MXD4: variants seen among roughly 807,000 people sequenced by gnomAD.
MXD4 encodes the protein MAX dimerization protein 4.
A neutral mutation model predicts 24.5 loss-of-function variants in MXD4; 16 were observed. The ratio of observed to expected loss-of-function variants is 0.65; its 90% confidence interval spans 0.44 to 0.99. The LOEUF is 0.99. MXD4 is among the 50% of genes least tolerant of loss of function. The probability of loss-of-function intolerance (pLI) is 0.00; values close to 1 mark genes in which losing one functional copy is unlikely to be tolerated. For missense variants in MXD4, 301 were observed against 301.5 expected, an observed-to-expected ratio of 1.00 and a Z score of 0.01; for synonymous variants, 164 against 134.2, an observed-to-expected ratio of 1.22 and a Z score of -1.54.
chr4:2,255,155 G>C, intron 3 of MXD4: 1 of 387,826 alleles, frequency 2.6e-6, no homozygotes, highest in Non-Finnish European at 5.2e-6. Flanking sequence ...CAGGACTTAC[G>C]TACGTGGTGT....
In MXD4 at chr4:2,249,501, A is replaced by G. The variant is rs1290642158; in HGVS notation, c.*1043T>C. On this transcript the variant is annotated 3_prime_UTR_variant, in exon 6 of 6. Coordinates refer to ENST00000337190, the MANE Select transcript of MXD4 (RefSeq NM_006454.3). ...CTCTGCCAGCTGAAGCTGCCGCAGC[A>G]GAGCTCATGAGAAGCCCTTTCCTAA... The G allele has an allele frequency of 1.3e-5, 2 of 151,490 alleles. No individual in the cohort carries two copies. The highest frequency in any genetic ancestry group is 2.9e-5 in the Non-Finnish European group (2 of 67,866). 9.4% of individuals were successfully genotyped at this position (151,490 alleles called of 1,614,324 possible).
At chr4:2,259,484 G>A (rs976305422) in intron 2 of MXD4, among the ~76,000 whole-genome samples, 1 of 152,250 alleles carries the variant, frequency 6.6e-6, no homozygotes, top group Non-Finnish European at 1.5e-5. Context: ...CAGGCCGCAG[G>A]AATGAGCCGT....
rs1470526209 is a variant in MXD4 at position 2,251,127 on chromosome 4, T to C, written c.429A>G (p.Thr143=). 2 of 1,594,766 alleles carry C rather than the reference T, an allele frequency of 1.3e-6. No homozygotes were observed. The highest frequency in any genetic ancestry group is 1.7e-6 in the Non-Finnish European group (2 of 1,168,728). ...LSVQSVERVR[T]DSTGSAVSTD... Reference sequence around the variant, plus strand: ...TGGAGACAGCAGAGCCCGTGCTATCTGTGCGCACGCGCTCCACGCTCTGCA... The same window carrying C: ...TGGAGACAGCAGAGCCCGTGCTATCCGTGCGCACGCGCTCCACGCTCTGCA... Residue 143 remains threonine, a synonymous_variant, in exon 5 of 6, where the codon ACA becomes ACG. Coordinates refer to ENST00000337190, the MANE Select transcript of MXD4 (RefSeq NM_006454.3).
intron 3 of MXD4, 90 bp downstream of exon 3, chr4:2,257,892 G>C: frequency 1.3e-6 from 2 of 1,544,172 alleles, no homozygotes; most frequent in Non-Finnish European, 1.8e-6. Context: ...GGCCGTGCCC[G>C]GGACAGGGGC....
chr4:2,257,099 G>A (rs1036238790), intron 3 of MXD4, among the ~76,000 whole-genome samples: 2 of 152,208 alleles, frequency 1.3e-5, no homozygotes, highest in East Asian at 1.9e-4. Flanking sequence ...CCAGCTGCCC[G>A]CCCCAGCCAG....
intron 2 of MXD4, 143 bp downstream of exon 2, chr4:2,261,582 G>A (rs955554797): frequency 8.0e-5 from 17 of 212,096 alleles, no homozygotes; most frequent in Non-Finnish European, 1.1e-4. Context: ...CGGCCTGCGC[G>A]CCTCCTCCTC....
intron 2 of MXD4, chr4:2,260,672 G>C (rs1735521533): frequency 2.3e-6 from 1 of 431,392 alleles, no homozygotes; most frequent in Admixed American, 2.6e-5. Context: ...AGCCAGGGCA[G>C]CTGGAGACTC....
In MXD4 at chr4:2,261,788, T is replaced by A. The variant is rs1735553316; in HGVS notation, c.101A>T (p.Asp34Val). The change falls in exon 2 of 6, where the codon GAC (aspartate) becomes GTC (valine). Residue 34 changes from aspartate (D) to valine (V), a missense_variant. Transcript: ENST00000337190. Reference sequence around the variant, plus strand: ...TGTTTTCTCCCTGGCGAAGTCGCCGTCGAAGGGCAGCACCGAGGCGTAGCC... The same window carrying A: ...TGTTTTCTCCCTGGCGAAGTCGCCGACGAAGGGCAGCACCGAGGCGTAGCC... Reference protein sequence around the residue: ...EHGYASVLPFDGDFAREKTKA... With the variant: ...EHGYASVLPFVGDFAREKTKA... 7.0e-7 allele frequency: 1 copy of A among 1,429,388 alleles called. No individual in the cohort carries two copies. The highest frequency in any genetic ancestry group is 1.3e-5 in the South Asian group (1 of 75,084). The allele number at this position is 1,429,388 out of a possible 1,614,324, so 88.5% of individuals were successfully genotyped here.
Position 2,249,331 on chromosome 4 carries a change from A to G in MXD4, c.*1213T>C, listed in dbSNP as rs1735263134. On this transcript the variant is annotated 3_prime_UTR_variant, in exon 6 of 6. Coordinates refer to ENST00000337190, the MANE Select transcript of MXD4 (RefSeq NM_006454.3). ...CTGGGTGGCTCCCACCCCTCAGCAA[A>G]CAAGGACGCAACAACAGCTAGGAAA... 6.5e-6 allele frequency: 1 copy of G among 152,680 alleles called. No homozygotes were observed. The highest frequency in any genetic ancestry group is 2.4e-5 in the African/African-American group (1 of 41,460). The allele number at this position is 152,680 out of a possible 1,614,324, so 9.5% of individuals were successfully genotyped here.
At chr4:2,260,245 C>G (rs1162404616) in intron 2 of MXD4, among the ~76,000 whole-genome samples, 2 of 152,228 alleles carry the variant, frequency 1.3e-5, no homozygotes, top group Admixed American at 6.5e-5. Flanking sequence ...AGAATGTGGA[C>G]AGCTGGGACC....
At chr4:2,250,997 G>A in intron 5 of MXD4, 87 bp downstream of exon 5, 1 of 1,423,904 alleles carries the variant, frequency 7.0e-7, no homozygotes. Context: ...CCCAGCCCCA[G>A]CACCAGGCAC....
chr4:2,252,545 C>A, intron 3 of MXD4, 23 bp from the exon 4 acceptor site: 1 of 1,576,248 alleles, frequency 6.3e-7, no homozygotes, highest in Non-Finnish European at 8.7e-7. Flanking sequence ...GAGACAGAAC[C>A]ATCAGGCTGG....
intron 2 of MXD4, 136 bp downstream of exon 2, chr4:2,261,589 C>T (rs1735546847): frequency 7.7e-6 from 2 of 258,854 alleles, no homozygotes; most frequent in Non-Finnish European, 1.2e-5. Context: ...CGCGCCTCCT[C>T]CTCCAGGCTG....
In MXD4 at chr4:2,252,410, T is replaced by C; in HGVS notation, c.307A>G (p.Lys103Glu). The change falls in exon 4 of 6, where the codon AAG (lysine) becomes GAG (glutamate). Residue 103 changes from lysine (K) to glutamate (E), a missense_variant and splice_region_variant. Lys to Glu is a moderately conservative substitution (Grantham distance 56). Coordinates refer to ENST00000337190, the MANE Select transcript of MXD4 (RefSeq NM_006454.3). ...SLLKRAKVHI[K>E]KLEEQDRRAL... ...GGTGGAGAGCAAGGCCCACTCACCTTGATGTGCACCTTGGCCCGCTTCAGG... is the reference window on the plus strand; with the variant it reads ...GGTGGAGAGCAAGGCCCACTCACCTCGATGTGCACCTTGGCCCGCTTCAGG... 6.2e-7 allele frequency: 1 copy of C among 1,611,592 alleles called. No homozygotes were observed. The highest frequency in any genetic ancestry group is 2.2e-5 in the East Asian group (1 of 44,864).
At chr4:2,255,811 C>A (rs1311858419) in intron 3 of MXD4, among the ~76,000 whole-genome samples, 1 of 152,232 alleles carries the variant, frequency 6.6e-6, no homozygotes, top group Non-Finnish European at 1.5e-5. Flanking sequence ...CCCCAAAAAC[C>A]CCCATGCCCA....
At chr4:2,257,787 T>C (rs1735460418) in intron 3 of MXD4, among the ~76,000 whole-genome samples, 195 bp downstream of exon 3, 1 of 152,208 alleles carries the variant, frequency 6.6e-6, no homozygotes, top group Non-Finnish European at 1.5e-5. Context: ...TCCTGCCATC[T>C]CCTGCCTCTA....
chr4:2,254,479 G>A (rs1365786050), intron 3 of MXD4: 1 of 151,942 alleles, frequency 6.6e-6, no homozygotes, highest in Non-Finnish European at 1.5e-5. Context: ...TATTTTCCAG[G>A]TTTTCTACGC....
At chr4:2,250,980 G>A (rs1009889555) in intron 5 of MXD4, 104 bp downstream of exon 5, 3 of 1,363,934 alleles carry the variant, frequency 2.2e-6, no homozygotes, top group African/African-American at 2.9e-5. Context: ...GAGCTGGGAG[G>A]GTTCTCCCCA....
chr4:2,251,301 C>G, intron 4 of MXD4, 55 bp from the exon 5 acceptor site: 1 of 1,485,238 alleles, frequency 6.7e-7, no homozygotes, highest in East Asian at 2.4e-5. Context: ...CCCCCATCCC[C>G]CTGGCCAGGC....
Sources: gnomAD v4.1 joint callset for allele counts (sites outside exome capture counted in the v4.1 genomes callset) on GRCh38, gnomAD v4.1.1 for gene constraint, MANE v1.5 for transcripts, NCBI Gene and HGNC (gene_info 2026-07-23, HGNC 2026-07-21) for gene names.